The following VPS13D variants were observed in gnomAD, a reference collection of about 807,000 sequenced individuals.
VPS13D encodes intermembrane lipid transfer protein VPS13D.
Under a neutral mutation model 461.9 loss-of-function variants are expected in VPS13D, and 187 were observed. The observed-to-expected ratio is 0.40, with a 90% CI of 0.36 to 0.46. VPS13D has a LOEUF of 0.46. Ranked by LOEUF, VPS13D falls within the 20% of genes least tolerant of loss-of-function variation. VPS13D has a pLI of 0.60. For synonymous variants in VPS13D, 1,951 were observed against 1,986.3 expected (o/e 0.98, Z 0.47); for missense variants, 4,711 against 5,364.9 (o/e 0.88, Z 3.81).
chr1:12,267,987 GGCCTC>G, intron 15 of VPS13D, 67 bp downstream of exon 15: 1 of 1,346,324 alleles, frequency 7.4e-7, no homozygotes, highest in Non-Finnish European at 1.0e-6. Flanking sequence ...TTTGAGACAG[GGCCTC>G]GCTCTGTCAC....
In VPS13D at chr1:12,322,685, T is replaced by C; in HGVS notation, c.7854T>C (p.Gly2618=). 6.2e-7 allele frequency: 1 copy of C among 1,614,194 alleles called. No homozygotes were observed. The highest frequency in any genetic ancestry group is 8.5e-7 in the Non-Finnish European group (1 of 1,180,030). The change falls in exon 34 of 70, where the codon GGT becomes GGC. Residue 2618 remains glycine (G), a synonymous_variant. Transcript: ENST00000620676. The part of the protein sequence containing the change: ...ESDSVGTYLP[G]ASRVGEEIRE... ...ACTCCGTTGGCACTTACCTTCCAGG[T>C]GCATCTCGCGTTGGAGAGGAAATCA... is the stretch of plus-strand genomic sequence containing the variant.
rs746463891 is a variant in VPS13D at position 12,415,224 on chromosome 1, G to A, written c.12165+3G>A. The stretch of plus-strand genomic sequence containing the variant: ...ATATCCTCAAACATTTCCAGGAGGT[G>A]AGGCTTGGAGAAGTAATCATTGGCT... On this transcript the variant is annotated splice_donor_region_variant and intron_variant, in intron 64 of 69. Coordinates refer to ENST00000620676, the MANE Select transcript of VPS13D (RefSeq NM_015378.4). 6.2e-6 allele frequency: 10 copies of A among 1,613,996 alleles called. 1 individual carries two copies. In the South Asian group the frequency reaches 8.8e-5, roughly 14 times the overall value.
chr1:12,410,886 C>T (rs1644717835), intron 63 of VPS13D, among the ~76,000 whole-genome samples: 1 of 152,134 alleles, frequency 6.6e-6, no homozygotes, highest in Admixed American at 6.5e-5. Flanking sequence ...TTTAAAAATG[C>T]ATAAAAGCTG....
intron 65 of VPS13D, among the ~76,000 whole-genome samples, chr1:12,418,284 G>A (rs745399189): frequency 4.6e-5 from 7 of 152,272 alleles, no homozygotes; most frequent in South Asian, 2.1e-4. Flanking sequence ...CTGAACTAGC[G>A]TGTACTTTTC....
At chr1:12,341,759 G>A in intron 40 of VPS13D, 21 bp from the exon 41 acceptor site, 1 of 1,611,208 alleles carries the variant, frequency 6.2e-7, no homozygotes, top group Non-Finnish European at 8.5e-7. Context: ...TCTGCTCATA[G>A]CCTTCTTCTG....
chr1:12,375,192 C>T (rs1268049953), intron 55 of VPS13D, among the ~76,000 whole-genome samples: 1 of 152,126 alleles, frequency 6.6e-6, no homozygotes, highest in Non-Finnish European at 1.5e-5. Flanking sequence ...TGCACCATTC[C>T]TGGAATTTGC....
In VPS13D at chr1:12,508,886, T is replaced by C. The variant is rs780292916; in HGVS notation, c.13036-7T>C. ...GGACAGGTGACCCATCCTGTTCTCC[T>C]CCTTAGGTCCATGTGAAATCTGAGG... On this transcript the variant is annotated splice_region_variant and splice_polypyrimidine_tract_variant and intron_variant, in intron 69 of 69. Coordinates refer to ENST00000620676, the MANE Select transcript of VPS13D (RefSeq NM_015378.4). The C allele has an allele frequency of 1.1e-5, 17 of 1,613,216 alleles. No homozygotes were observed. Among genetic ancestry groups the C allele is most frequent in the Non-Finnish European group, 8.5e-7 (1 of 1,179,616 alleles).
chr1:12,418,489 A>G (rs1004636776), intron 65 of VPS13D, among the ~76,000 whole-genome samples: 1 of 152,230 alleles, frequency 6.6e-6, no homozygotes, highest in African/African-American at 2.4e-5. Context: ...TTGAATTCTA[A>G]TTGACATAAG....
chr1:12,382,913 G>A, intron 57 of VPS13D, 63 bp from the exon 58 acceptor site: 1 of 1,490,516 alleles, frequency 6.7e-7, no homozygotes, highest in Non-Finnish European at 9.1e-7. Flanking sequence ...GAAATGATGT[G>A]TTAACTTGTC....
Position 12,288,203 on chromosome 1 carries a change from T to C in VPS13D, c.5635-20T>C. 1 of 1,600,684 alleles carries C rather than the reference T, an allele frequency of 6.2e-7. No individual in the cohort carries two copies. Among genetic ancestry groups the C allele is most frequent in the Non-Finnish European group, 8.6e-7 (1 of 1,169,250 alleles). ...TTCTCCCCAGTAATATTGGCCTTGC[T>C]TTATCTTGTCTGTTCCTAGGTTCAT... On this transcript the variant is annotated intron_variant, in intron 21 of 69. Transcript: ENST00000620676.
chr1:12,467,914 A>G (rs1031238182), intron 67 of VPS13D, among the ~76,000 whole-genome samples: 11 of 151,520 alleles, frequency 7.3e-5, no homozygotes, highest in Admixed American at 3.3e-4. Flanking sequence ...CTGCTTCCAA[A>G]AGAAAAAAAA....
chr1:12,259,042 C>CTTTTTT (rs201506361), intron 10 of VPS13D, among the ~76,000 whole-genome samples: 1 of 150,308 alleles, frequency 6.7e-6, no homozygotes, highest in African/African-American at 2.4e-5. Flanking sequence ...TTTTCTTCTT[C>CTTTTTT]TTCTTTTTTT....
chr1:12,400,940 T>A (rs1644566985), intron 61 of VPS13D, among the ~76,000 whole-genome samples: 1 of 129,926 alleles, frequency 7.7e-6, no homozygotes, highest in African/African-American at 3.0e-5. Flanking sequence ...GGTGATAGAG[T>A]GAGATGTGCA....
At chr1:12,349,856 G>C (rs1557725553) in intron 46 of VPS13D, among the ~76,000 whole-genome samples, 1 of 152,144 alleles carries the variant, frequency 6.6e-6, no homozygotes, top group African/African-American at 2.4e-5. Flanking sequence ...TTATACGGGA[G>C]TATGTTACTA....
At position 12,318,290 on chromosome 1, in the gene VPS13D, T is replaced by C. The variant is rs1306401078; in HGVS notation, c.7367T>C (p.Leu2456Pro). 6.2e-7 allele frequency: 1 copy of C among 1,613,338 alleles called. No individual in the cohort carries two copies. The highest frequency in any genetic ancestry group is 1.3e-5 in the African/African-American group (1 of 74,924). Reference protein sequence around the residue: ...KSGVVTKRSSLPVSNERHLEV... With the variant: ...KSGVVTKRSSPPVSNERHLEV... ...GGAGTAGTTACCAAGCGGTCTTCCC[T>C]TCCTGTGTCCAATGAAAGGCACCTG... is the stretch of plus-strand genomic sequence containing the variant. The change falls in exon 31 of 70, where the codon CTT becomes CCT. Residue 2456 changes from leucine (L) to proline (P), a missense_variant. Physicochemically the swap from Leu to Pro is moderately conservative, Grantham distance 98. Transcript: ENST00000620676.
chr1:12,407,985 C>G (rs1032342428), intron 63 of VPS13D, among the ~76,000 whole-genome samples: 2 of 152,154 alleles, frequency 1.3e-5, no homozygotes, highest in African/African-American at 4.8e-5. Context: ...AACTGATTGT[C>G]AGTACCCTGT....
At chr1:12,373,547 G>C (rs1644155132) in intron 54 of VPS13D, among the ~76,000 whole-genome samples, 1 of 152,008 alleles carries the variant, frequency 6.6e-6, no homozygotes, top group South Asian at 2.1e-4. Context: ...TCTGAGAGAT[G>C]AATCTTGGAA....
intron 60 of VPS13D, among the ~76,000 whole-genome samples, chr1:12,399,975 C>G (rs1332512389): frequency 6.6e-6 from 1 of 152,100 alleles, no homozygotes; most frequent in Non-Finnish European, 1.5e-5. Flanking sequence ...TAGAAAAGCA[C>G]TCCCCTAATG....
At chr1:12,292,462 C>G (rs1450519828) in intron 23 of VPS13D, among the ~76,000 whole-genome samples, 2 of 109,404 alleles carry the variant, frequency 1.8e-5, no homozygotes, top group Non-Finnish European at 3.4e-5. Flanking sequence ...TTTTTTGAGA[C>G]GAGGTCTCGC....
Sources: gnomAD v4.1 joint callset for allele counts (sites outside exome capture counted in the v4.1 genomes callset) on GRCh38, gnomAD v4.1.1 for gene constraint, MANE v1.5 for transcripts, NCBI Gene and HGNC (gene_info 2026-07-23, HGNC 2026-07-21) for gene names.